Variants in TUBB4B observed in about 807,000 individuals in gnomAD.
TUBB4B encodes tubulin beta 4B class IVb.
A neutral mutation model predicts 34.3 loss-of-function variants in TUBB4B; 7 were observed. The observed-to-expected ratio is 0.20, with a 90% confidence interval of 0.12 to 0.38. TUBB4B has a LOEUF of 0.38. TUBB4B is among the 10% of genes least tolerant of loss of function. The pLI, the probability that TUBB4B is intolerant of heterozygous loss-of-function variation, is 1.00. For synonymous variants in TUBB4B, 390 were observed against 250.2 expected, an observed-to-expected ratio of 1.56 and a Z score of -5.27; for missense variants, 178 against 610.9, an observed-to-expected ratio of 0.29 and a Z score of 7.47.
intron 3 of TUBB4B, 58 bp downstream of exon 3, chr9:137,242,079 C>A: frequency 6.5e-7 from 1 of 1,543,162 alleles, no homozygotes; most frequent in Non-Finnish European, 8.8e-7. Flanking sequence ...GCTCCAAGGG[C>A]ACCGCCGTGG....
chr9:137,241,637 C>T (rs1408527904), intron 1 of TUBB4B, 84 bp from the exon 2 acceptor site: 1 of 949,530 alleles, frequency 1.1e-6, no homozygotes, highest in Non-Finnish European at 1.3e-6. Context: ...GCTGCCGCGC[C>T]CGTCCGGGGC....
At position 137,242,692 on chromosome 9, in the gene TUBB4B, G is replaced by A. The variant is rs143176276; in HGVS notation, c.474G>A (p.Glu158=). 6.8e-4 allele frequency: 1,094 copies of A among 1,613,618 alleles called. 1 individual carries two copies. The highest frequency in any genetic ancestry group is 8.5e-4 in the Non-Finnish European group (1,008 of 1,180,026). ...GTLLISKIRE[E]YPDRIMNTFS... Reference sequence around the variant, plus strand: ...TCCTCATCAGCAAGATCCGGGAGGAGTACCCAGACAGGATCATGAACACGT... The same window carrying A: ...TCCTCATCAGCAAGATCCGGGAGGAATACCCAGACAGGATCATGAACACGT... Residue 158 remains glutamate, a synonymous_variant, in exon 4 of 4, where the codon GAG becomes GAA. Transcript: ENST00000340384.
At chr9:137,242,210 G>A (rs976591002) in intron 3 of TUBB4B, 189 bp downstream of exon 3, 3 of 676,530 alleles carry the variant, frequency 4.4e-6, no homozygotes, top group East Asian at 5.5e-5. Context: ...CGCCACACAC[G>A]TAATCTCCCT....
chr9:137,241,856 G>C, intron 2 of TUBB4B, 27 bp downstream of exon 2: 1 of 1,611,732 alleles, frequency 6.2e-7, no homozygotes, highest in Non-Finnish European at 8.5e-7. Context: ...TTCCCCGACC[G>C]CCCTCCGGGG....
At position 137,243,112 on chromosome 9, in the gene TUBB4B, C is replaced by T. The variant is rs760720199; in HGVS notation, c.894C>T (p.Asn298=). The change falls in exon 4 of 4, where the codon AAC becomes AAT. Residue 298 remains asparagine (N), a synonymous_variant. Transcript: ENST00000340384. The stretch of plus-strand genomic sequence containing the variant: ...CCCAGCAGATGTTTGATGCCAAGAA[C>T]ATGATGGCTGCCTGCGACCCCCGCC... The part of the protein sequence containing the change: ...ELTQQMFDAK[N]MMAACDPRHG... 8.1e-6 allele frequency: 13 copies of T among 1,612,972 alleles called. No homozygotes were observed. The highest frequency in any genetic ancestry group is 4.5e-5 in the East Asian group (2 of 44,894).
At chr9:137,242,320 G>A in intron 3 of TUBB4B, 176 bp from the exon 4 acceptor site, 1 of 805,628 alleles carries the variant, frequency 1.2e-6, no homozygotes, top group Non-Finnish European at 1.9e-6. Flanking sequence ...TTTGGCCCCT[G>A]ACTTAATTCG....
rs778357644 is a variant in TUBB4B, at chr9:137,241,437, G to T, written c.57+20G>T. The T allele has an allele frequency of 2.6e-6, 4 of 1,562,078 alleles. No individual in the cohort carries two copies. The South Asian group carries it at 3.4e-5, about 13-fold the overall frequency. On this transcript the variant is annotated intron_variant, in intron 1 of 3. Transcript: ENST00000340384. Reference sequence around the variant, plus strand: ...GCCAAGGTAAGTTGCCGGGGCGCTGGGGCCAGGCGGGCCTGCCGGGCGGTG... The same window carrying T: ...GCCAAGGTAAGTTGCCGGGGCGCTGTGGCCAGGCGGGCCTGCCGGGCGGTG...
chr9:137,241,332 C>T lies in TUBB4B; in HGVS notation c.-29C>T, dbSNP rs11545612. 6.5e-5 allele frequency: 103 copies of T among 1,591,872 alleles called. No homozygotes were observed. Among genetic ancestry groups the T allele is most frequent in the Middle Eastern group, 1.7e-4 (1 of 6,034 alleles). On this transcript the variant is annotated 5_prime_UTR_variant, in exon 1 of 4. Transcript: ENST00000340384. ...TTCTGCTGCTGTTTGTCTACTTCCTCCTGCTTCCCCGCCGCCGCCGCCGCC... is the reference window on the plus strand; with the variant it reads ...TTCTGCTGCTGTTTGTCTACTTCCTTCTGCTTCCCCGCCGCCGCCGCCGCC...
In TUBB4B at chr9:137,241,354, C is replaced by T. The variant is rs780286438; in HGVS notation, c.-7C>T. On this transcript the variant is annotated 5_prime_UTR_variant, in exon 1 of 4. Transcript: ENST00000340384. ...CCTCCTGCTTCCCCGCCGCCGCCGC[C>T]GCCATCATGAGGGAAATCGTGCACT... is the stretch of plus-strand genomic sequence containing the variant. 6.2e-5 allele frequency: 99 copies of T among 1,600,850 alleles called. No individual in the cohort carries two copies. The highest frequency in any genetic ancestry group is 4.0e-4 in the Admixed American group (24 of 59,800).
rs1836772587 is a variant in TUBB4B at position 137,242,377 on chromosome 9, C to CT, written c.278-118dup. 1.1e-5 allele frequency: 14 copies of CT among 1,265,774 alleles called. 2 individuals are homozygous for CT. In the South Asian group the frequency reaches 2.1e-4, roughly 19 times the overall value. The allele number at this position is 1,265,774 out of a possible 1,614,324, so 78.4% of individuals were successfully genotyped here. A position where few individuals can be genotyped will look rare whatever the true frequency, so the allele number is the denominator to read the frequency against. ...TTTGGCTTTGAAGGGTCCGTTTGCTCTACCTCCAGGGTGAATTCTGTGGTC... is the reference window on the plus strand; with the variant it reads ...TTTGGCTTTGAAGGGTCCGTTTGCTCTTACCTCCAGGGTGAATTCTGTGGTC... On this transcript the variant is annotated intron_variant, in intron 3 of 3. Coordinates refer to ENST00000340384, the MANE Select transcript of TUBB4B (RefSeq NM_006088.6).
chr9:137,243,229 C>T lies in TUBB4B; in HGVS notation c.1011C>T (p.Asn337=), dbSNP rs763432474. Residue 337 remains asparagine, a synonymous_variant, in exon 4 of 4, where the codon AAC becomes AAT. Transcript: ENST00000340384. ...AAATGCTTAATGTCCAAAACAAAAA[C>T]AGCAGCTATTTTGTTGAGTGGATCC... ...DEQMLNVQNK[N]SSYFVEWIPN... is the part of the protein sequence containing the mutation. The T allele has an allele frequency of 1.3e-5, 21 of 1,613,246 alleles. No individual in the cohort carries two copies. The highest frequency in any genetic ancestry group is 1.6e-5 in the Non-Finnish European group (19 of 1,180,034).
Position 137,241,307 on chromosome 9 carries a change from T to C in TUBB4B, c.-54T>C, listed in dbSNP as rs996805731. 15 of 1,572,004 alleles carry C rather than the reference T, an allele frequency of 9.5e-6. No individual in the cohort carries two copies. Among genetic ancestry groups the C allele is most frequent in the South Asian group, 2.3e-5 (2 of 88,764 alleles). ...GTTGTAGCACTCTGCGCGCCCGCTCTTCTGCTGCTGTTTGTCTACTTCCTC... is the reference window on the plus strand; with the variant it reads ...GTTGTAGCACTCTGCGCGCCCGCTCCTCTGCTGCTGTTTGTCTACTTCCTC... On this transcript the variant is annotated 5_prime_UTR_variant, in exon 1 of 4. Transcript: ENST00000340384.
At position 137,243,621 on chromosome 9, in the gene TUBB4B, T is replaced by G. The variant is rs544185853; in HGVS notation, c.*65T>G. 2 of 1,612,824 alleles carry G rather than the reference T, an allele frequency of 1.2e-6. No homozygotes were observed. The highest frequency in any genetic ancestry group is 2.2e-5 in the South Asian group (2 of 91,078). Reference sequence around the variant, plus strand: ...CTCTTTATTCACTCCCAGCCTGTCCTGTGGCCTGTCCCACTGTGTGCACTT... The same window carrying G: ...CTCTTTATTCACTCCCAGCCTGTCCGGTGGCCTGTCCCACTGTGTGCACTT... On this transcript the variant is annotated 3_prime_UTR_variant, in exon 4 of 4. Coordinates refer to ENST00000340384, the MANE Select transcript of TUBB4B (RefSeq NM_006088.6).
At chr9:137,242,177 A>C in intron 3 of TUBB4B, 156 bp downstream of exon 3, 1 of 786,534 alleles carries the variant, frequency 1.3e-6, no homozygotes, top group Non-Finnish European at 2.0e-6. Context: ...AGCAAGGTCC[A>C]GCTGTCTGCC....
At position 137,243,535 on chromosome 9, in the gene TUBB4B, G is replaced by A. The variant is rs1044197388; in HGVS notation, c.1317G>A (p.Glu439=). The change falls in exon 4 of 4, where the codon GAG becomes GAA. Residue 439 remains glutamate (E), a synonymous_variant. Coordinates refer to ENST00000340384, the MANE Select transcript of TUBB4B (RefSeq NM_006088.6). ...TAEEEGEFEE[E]AEEEVA ...AGGAGGAGGGCGAGTTCGAGGAGGA[G>A]GCTGAGGAGGAGGTGGCCTAGAGCC... 6.2e-7 allele frequency: 1 copy of A among 1,613,992 alleles called. No individual in the cohort carries two copies. Among genetic ancestry groups the A allele is most frequent in the East Asian group, 2.2e-5 (1 of 44,892 alleles).
At position 137,242,552 on chromosome 9, in the gene TUBB4B, C is replaced by T. The variant is rs113707038; in HGVS notation, c.334C>T (p.Leu112=). The part of the protein sequence containing the change: ...AKGHYTEGAE[L]VDSVLDVVRK... ...GGGGCACTACACAGAAGGCGCGGAG[C>T]TGGTGGACTCGGTGCTGGATGTTGT... is the stretch of plus-strand genomic sequence containing the variant. The change falls in exon 4 of 4, where the codon CTG becomes TTG. Residue 112 remains leucine, a synonymous_variant. Transcript: ENST00000340384. 1.5e-4 allele frequency: 249 copies of T among 1,613,964 alleles called. 2 individuals are homozygous for T. The African/African-American group carries it at 2.8e-3, about 18-fold the overall frequency.
intron 3 of TUBB4B, 38 bp from the exon 4 acceptor site, chr9:137,242,458 T>C: frequency 5.6e-6 from 9 of 1,596,704 alleles, no homozygotes; most frequent in African/African-American, 1.3e-5. Context: ...TAGTGCTGTC[T>C]ACCTGGCTGA....
Position 137,243,279 on chromosome 9 carries a change from G to C in TUBB4B, c.1061G>C (p.Cys354Ser). The change falls in exon 4 of 4, where the codon TGT becomes TCT. Residue 354 changes from cysteine to serine, a missense_variant. Physicochemically the swap from Cys to Ser is moderately radical, Grantham distance 112. Coordinates refer to ENST00000340384, the MANE Select transcript of TUBB4B (RefSeq NM_006088.6). The stretch of plus-strand genomic sequence containing the variant: ...CCCAACAATGTGAAAACGGCTGTCT[G>C]TGACATCCCACCTCGGGGGCTAAAA... Reference protein sequence around the residue: ...WIPNNVKTAVCDIPPRGLKMS... With the variant: ...WIPNNVKTAVSDIPPRGLKMS... 1 of 1,613,600 alleles carries C rather than the reference G, an allele frequency of 6.2e-7. No individual in the cohort carries two copies. Among genetic ancestry groups the C allele is most frequent in the South Asian group, 1.1e-5 (1 of 91,088 alleles).
In TUBB4B at chr9:137,243,570, TG is replaced by T. The variant is rs771726405; in HGVS notation, c.*18del. 9 of 1,613,516 alleles carry T rather than the reference TG, an allele frequency of 5.6e-6. No homozygotes were observed. The African/African-American group carries it at 1.1e-4, about 19-fold the overall frequency. On this transcript the variant is annotated 3_prime_UTR_variant, in exon 4 of 4. Coordinates refer to ENST00000340384, the MANE Select transcript of TUBB4B (RefSeq NM_006088.6). Reference sequence around the variant, plus strand: ...GAGGTGGCCTAGAGCCTTCAGTCACTGGGGAAAGCAGGGAAGCAGTGTGAAC... The same window carrying T: ...GAGGTGGCCTAGAGCCTTCAGTCACTGGGAAAGCAGGGAAGCAGTGTGAAC...
Sources: gnomAD v4.1 joint callset for allele counts on GRCh38, gnomAD v4.1.1 for gene constraint, MANE v1.5 for transcripts, NCBI Gene and HGNC (gene_info 2026-07-23, HGNC 2026-07-21) for gene names.